MMP26: variants seen among roughly 807,000 people sequenced by gnomAD.
MMP26 encodes matrix metalloproteinase-26.
Under a neutral mutation model 31.0 loss-of-function variants are expected in MMP26, and 33 were observed. The observed-to-expected ratio is 1.06, with a 90% CI of 0.81 to 1.42. The LOEUF is 1.42. Among genes scored for constraint, MMP26 ranks in the 40% most tolerant of loss-of-function variants. The pLI is 0.00. For missense variants in MMP26, 347 were observed against 316.1 expected, an observed-to-expected ratio of 1.10 and a Z score of -0.74; for synonymous variants, 122 against 114.9, an observed-to-expected ratio of 1.06 and a Z score of -0.40.
At chr11:4,724,812 G>T (rs957676599) in intron 1 of MMP26, among the ~76,000 whole-genome samples, 1 of 152,182 alleles carries the variant, frequency 6.6e-6, no homozygotes, top group Non-Finnish European at 1.5e-5. Context: ...AAAGTGAGTT[G>T]TCAGACTATC....
chr11:4,797,588 T>C (rs1330820627), intron 2 of MMP26, among the ~76,000 whole-genome samples: 2 of 152,186 alleles, frequency 1.3e-5, no homozygotes, highest in African/African-American at 4.8e-5. Context: ...AGTGGGGAGA[T>C]ACAGTGAGAA....
intron 1 of MMP26, among the ~76,000 whole-genome samples, chr11:4,765,356 CA>C (rs1340869124): frequency 6.6e-6 from 1 of 152,168 alleles, no homozygotes; most frequent in Admixed American, 6.6e-5. Context: ...TCTTTCTACC[CA>C]AACTTCCTTC....
intron 2 of MMP26, among the ~76,000 whole-genome samples, chr11:4,866,320 G>A (rs1273035070): frequency 6.6e-6 from 1 of 151,998 alleles, no homozygotes; most frequent in Non-Finnish European, 1.5e-5. Flanking sequence ...ATAAACAAAA[G>A]AAAATTTAAA....
intron 1 of MMP26, chr11:4,710,010 T>A (rs1207359589): frequency 2.2e-6 from 1 of 456,684 alleles, no homozygotes; most frequent in African/African-American, 2.0e-5. Flanking sequence ...TAAAGTGGGC[T>A]TTGCAATTGT....
intron 1 of MMP26, chr11:4,710,067 C>A (rs369969175): frequency 4.4e-6 from 2 of 456,674 alleles, no homozygotes; most frequent in Non-Finnish European, 8.8e-6. Flanking sequence ...GCTCCTTAAG[C>A]GCCTCTCCTT....
intron 2 of MMP26, among the ~76,000 whole-genome samples, chr11:4,775,747 T>TGAGAGAGA (rs35696328): frequency 7.2e-5 from 10 of 139,710 alleles, no homozygotes; most frequent in African/African-American, 2.7e-4. Flanking sequence ...AGGAAGTGAG[T>TGAGAGAGA]GAGAGAGAGA....
At chr11:4,773,010 C>T (rs375150285) in intron 2 of MMP26, among the ~76,000 whole-genome samples, 5 of 152,076 alleles carry the variant, frequency 3.3e-5, no homozygotes, top group African/African-American at 9.7e-5. Flanking sequence ...AATACTTCCA[C>T]GACAAAAATG....
intron 2 of MMP26, among the ~76,000 whole-genome samples, chr11:4,861,018 A>G (rs1202851528): frequency 6.6e-6 from 1 of 151,268 alleles, no homozygotes; most frequent in African/African-American, 2.4e-5. Context: ...TCCCACTGTC[A>G]TCACAACCTA....
chr11:4,821,585 G>A lies in MMP26; in HGVS notation c.-145+54244G>A, dbSNP rs765489004. 1.2e-6 allele frequency: 2 copies of A among 1,613,392 alleles called. No individual in the cohort carries two copies. Among genetic ancestry groups the A allele is most frequent in the East Asian group, 2.2e-5 (1 of 44,866 alleles). On this transcript the variant is annotated intron_variant, in intron 2 of 7. Transcript: ENST00000380390. ...ATCCTGTTTGTGGTCCTCTGTGAAC[G>A]GAGCCTCCATAAGCCTATGTACTAT...
At position 4,967,789 on chromosome 11, in the gene MMP26, G is replaced by T. The variant is rs1197806627; in HGVS notation, c.-144-20279G>T. On this transcript the variant is annotated intron_variant, in intron 2 of 7. Coordinates refer to ENST00000380390, the MANE Select transcript of MMP26 (RefSeq NM_021801.5). ...ACTTATCTGATAACTATTTTACAAAGATATAAGAATAGTCAATAAAAGTTT... is the reference window on the plus strand; with the variant it reads ...ACTTATCTGATAACTATTTTACAAATATATAAGAATAGTCAATAAAAGTTT... Among the ~76,000 whole-genome samples, 4 of 152,086 alleles carry T rather than the reference G, an allele frequency of 2.6e-5. No individual in the cohort carries two copies. In the East Asian group the frequency reaches 7.7e-4, roughly 29 times the overall value.
chr11:4,769,464 T>C (rs1848681351), intron 2 of MMP26: 2 of 1,613,178 alleles, frequency 1.2e-6, no homozygotes, highest in Non-Finnish European at 1.7e-6. Flanking sequence ...ATAGCACGTG[T>C]AATCATCAGA....
At chr11:4,873,063 A>G (rs1264287937) in intron 2 of MMP26, among the ~76,000 whole-genome samples, 6 of 152,234 alleles carry the variant, frequency 3.9e-5, no homozygotes, top group Middle Eastern at 3.4e-3. Flanking sequence ...CTGATTACTC[A>G]TGACACATCT....
intron 2 of MMP26, among the ~76,000 whole-genome samples, chr11:4,798,677 G>A (rs11033914): frequency 0.37 from 56,084 of 151,972 alleles, 11,434 homozygotes; most frequent in African/African-American, 0.52. Context: ...GGAGGAAGTG[G>A]GTATGATGAG....
intron 1 of MMP26, among the ~76,000 whole-genome samples, chr11:4,716,603 T>C (rs903395797): frequency 6.6e-6 from 1 of 151,368 alleles, no homozygotes; most frequent in Admixed American, 6.6e-5. Flanking sequence ...AAATCTCTTA[T>C]GCTTTTGAAG....
intron 2 of MMP26, among the ~76,000 whole-genome samples, chr11:4,810,645 C>T (rs903979256): frequency 5.9e-5 from 9 of 152,136 alleles, no homozygotes; most frequent in African/African-American, 2.2e-4. Context: ...ACTAAGGTAG[C>T]TGTGGTTGTG....
At chr11:4,983,064 GCAGGCTT>G (rs1163363444) in intron 2 of MMP26, among the ~76,000 whole-genome samples, 2 of 152,162 alleles carry the variant, frequency 1.3e-5, no homozygotes, top group African/African-American at 4.8e-5. Context: ...CTAACTTAAA[GCAGGCTT>G]TGTGTCTTAA....
chr11:4,884,578 T>C (rs1016181574), intron 2 of MMP26, among the ~76,000 whole-genome samples: 3 of 152,088 alleles, frequency 2.0e-5, no homozygotes, highest in African/African-American at 7.2e-5. Context: ...TGAAATTAAC[T>C]TGTGGCAGAG....
intron 2 of MMP26, chr11:4,907,302 C>A (rs1480559039): frequency 8.9e-7 from 1 of 1,120,084 alleles, no homozygotes; most frequent in Non-Finnish European, 1.3e-6. Context: ...TGAGTTTTAA[C>A]CAAAAGCATG....
Position 4,748,418 on chromosome 11 carries a change from G to T in MMP26, c.-216-18852G>T, listed in dbSNP as rs556585790. ...AAAACTGTTCCAAAAAATCAAGGAG[G>T]GGGGAATTACCCCTAACTCATTTTA... On this transcript the variant is annotated intron_variant, in intron 1 of 7. Transcript: ENST00000380390. Among the ~76,000 whole-genome samples the T allele has an allele frequency of 5.4e-4, 82 of 151,708 alleles. 1 individual carries two copies. Among genetic ancestry groups the T allele is most frequent in the Admixed American group, 1.6e-3 (24 of 15,256 alleles).
Sources: allele counts gnomAD v4.1 joint callset (sites outside exome capture counted in the v4.1 genomes callset), GRCh38; gene constraint gnomAD v4.1.1; transcripts MANE v1.5; gene names NCBI Gene and HGNC (gene_info 2026-07-23, HGNC 2026-07-21).